B3GALT1: variants seen among roughly 807,000 people sequenced by gnomAD.
B3GALT1 encodes the protein UDP-Gal:betaGlcNAc beta 1,3-galactosyltransferase, polypeptide 1.
B3GALT1 carries 10 observed loss-of-function variants against 23.2 expected under a neutral mutation model. The ratio of observed to expected loss-of-function variants is 0.43; its 90% CI spans 0.27 to 0.73. The LOEUF is 0.73. Ranked by LOEUF, B3GALT1 falls within the 30% of genes least tolerant of loss-of-function variation. The pLI, the probability that B3GALT1 is intolerant of heterozygous loss-of-function variation, is 0.21. For synonymous variants in B3GALT1, 156 were observed against 141.5 expected (o/e 1.10, Z -0.73); for missense variants, 299 against 405.4 (o/e 0.74, Z 2.25).
At chr2:167,690,369 A>C (rs1369606773) in intron 3 of B3GALT1, among the ~76,000 whole-genome samples, 1 of 152,076 alleles carries the variant, frequency 6.6e-6, no homozygotes, top group Non-Finnish European at 1.5e-5. Context: ...TTCAAAAATA[A>C]ATTATTTATA....
intron 3 of B3GALT1, among the ~76,000 whole-genome samples, chr2:167,667,672 A>G (rs1686229301): frequency 6.6e-6 from 1 of 151,852 alleles, no homozygotes; most frequent in East Asian, 1.9e-4. Context: ...GTTTCTCTAA[A>G]CTTCCCTTCT....
intron 1 of B3GALT1, among the ~76,000 whole-genome samples, chr2:167,455,197 T>C (rs1699149867): frequency 6.6e-6 from 1 of 152,202 alleles, no homozygotes; most frequent in Non-Finnish European, 1.5e-5. Flanking sequence ...AAAAATATGC[T>C]CACACATTGG....
chr2:167,859,913 C>T lies in B3GALT1; in HGVS notation c.-229-8898C>T, dbSNP rs1690066436. On this transcript the variant is annotated intron_variant, in intron 4 of 4. Transcript: ENST00000392690. Reference sequence around the variant, plus strand: ...GAGGCTGACTTAAAGGCTAGGAGAGCCAGCCCTCTGTGATTTGGAGAGATA... The same window carrying T: ...GAGGCTGACTTAAAGGCTAGGAGAGTCAGCCCTCTGTGATTTGGAGAGATA... 2.0e-5 allele frequency among the ~76,000 whole-genome samples: 3 copies of T among 152,242 alleles called. No homozygotes were observed. The South Asian group carries it at 6.2e-4, about 32-fold the overall frequency.
intron 3 of B3GALT1, among the ~76,000 whole-genome samples, chr2:167,686,392 G>T (rs1686616406): frequency 2.0e-5 from 3 of 152,050 alleles, no homozygotes; most frequent in Admixed American, 6.6e-5. Flanking sequence ...AGAAAATTCG[G>T]CAATGCTTAT....
chr2:167,634,244 G>A lies in B3GALT1; in HGVS notation c.-409-12665G>A, dbSNP rs1477227045. ...TATCACTAAATGCCCACAGGAGAAA[G>A]CAGGAAGGATCTAAAATCAACACCC... is the stretch of plus-strand genomic sequence containing the variant. On this transcript the variant is annotated intron_variant, in intron 2 of 4. Transcript: ENST00000392690. Among the ~76,000 whole-genome samples the A allele has an allele frequency of 2.6e-5, 4 of 152,232 alleles. No homozygotes were observed. The East Asian group carries it at 7.7e-4, about 29-fold the overall frequency.
At chr2:167,715,872 G>A in intron 3 of B3GALT1, 4 of 1,613,660 alleles carry the variant, frequency 2.5e-6, no homozygotes, top group Non-Finnish European at 3.4e-6. Context: ...ACTCCTAACC[G>A]ATCTAAAACT....
At chr2:167,455,767 C>T (rs1456792357) in intron 1 of B3GALT1, among the ~76,000 whole-genome samples, 1 of 152,142 alleles carries the variant, frequency 6.6e-6, no homozygotes, top group South Asian at 2.1e-4. Flanking sequence ...CCTGCCTAAG[C>T]CTCCCATAGT....
chr2:167,654,443 A>G (rs895689207), intron 3 of B3GALT1, among the ~76,000 whole-genome samples: 2 of 152,118 alleles, frequency 1.3e-5, no homozygotes, highest in African/African-American at 4.8e-5. Context: ...TAACTCTGAA[A>G]GTCTGCGTCA....
intron 2 of B3GALT1, among the ~76,000 whole-genome samples, chr2:167,628,319 G>T (rs1213905681): frequency 6.6e-6 from 1 of 151,480 alleles, no homozygotes; most frequent in Non-Finnish European, 1.5e-5. Context: ...TTCCATTTAA[G>T]GTCTATGAGA....
At chr2:167,481,207 C>T (rs1344150861) in intron 1 of B3GALT1, among the ~76,000 whole-genome samples, 1 of 133,944 alleles carries the variant, frequency 7.5e-6, no homozygotes, top group African/African-American at 2.8e-5. Flanking sequence ...CTTTTTGCTG[C>T]TTATATATGG....
At chr2:167,415,277 C>T (rs1698451085) in intron 1 of B3GALT1, among the ~76,000 whole-genome samples, 1 of 152,142 alleles carries the variant, frequency 6.6e-6, no homozygotes, top group South Asian at 2.1e-4. Context: ...GAGACCTGAG[C>T]TAGCCTACCC....
At chr2:167,841,797 T>C (rs1253273178) in intron 4 of B3GALT1, among the ~76,000 whole-genome samples, 6 of 152,242 alleles carry the variant, frequency 3.9e-5, no homozygotes, top group Non-Finnish European at 7.3e-5. Flanking sequence ...TTTCAGATTC[T>C]ATATTTGCCA....
At chr2:167,320,998 A>T (rs1487110093) in intron 1 of B3GALT1, among the ~76,000 whole-genome samples, 2 of 152,100 alleles carry the variant, frequency 1.3e-5, no homozygotes, top group Non-Finnish European at 2.9e-5. Flanking sequence ...CAGAAAGGAA[A>T]TCATTCAGAA....
At chr2:167,714,472 C>T (rs1032466617) in intron 3 of B3GALT1, 14 of 1,599,400 alleles carry the variant, frequency 8.8e-6, no homozygotes, top group Middle Eastern at 1.7e-4. Flanking sequence ...GAAAAGCTCT[C>T]GTTTCAGATG....
At chr2:167,517,924 C>G (rs1310822245) in intron 2 of B3GALT1, among the ~76,000 whole-genome samples, 3 of 152,054 alleles carry the variant, frequency 2.0e-5, no homozygotes, top group African/African-American at 7.2e-5. Context: ...GTGTGCCACT[C>G]AAGTCTATAA....
At position 167,407,029 on chromosome 2, in the gene B3GALT1, A is replaced by G. The variant is rs1043949447; in HGVS notation, c.-510-83148A>G. ...TTATGGAACATTTCAACCCACTGCCACAGAATACATGTTATTTTCATTAGC... is the reference window on the plus strand; with the variant it reads ...TTATGGAACATTTCAACCCACTGCCGCAGAATACATGTTATTTTCATTAGC... On this transcript the variant is annotated intron_variant, in intron 1 of 4. Coordinates refer to ENST00000392690, the MANE Select transcript of B3GALT1 (RefSeq NM_020981.4). 4.8e-4 allele frequency among the ~76,000 whole-genome samples: 10 copies of G among 20,850 alleles called. No individual in the cohort carries two copies. The Non-Finnish European group carries it at 6.7e-3, about 14-fold the overall frequency. The allele number at this position is 20,850 out of a possible 152,430, so 13.7% of individuals were successfully genotyped here.
intron 1 of B3GALT1, among the ~76,000 whole-genome samples, chr2:167,345,341 A>AT (rs1697211371): frequency 6.6e-6 from 1 of 151,930 alleles, no homozygotes; most frequent in African/African-American, 2.4e-5. Context: ...CTATCACAGC[A>AT]TTTTTTTCTA....
intron 3 of B3GALT1, among the ~76,000 whole-genome samples, chr2:167,739,027 A>C (rs1437816599): frequency 6.6e-6 from 1 of 152,168 alleles, no homozygotes; most frequent in East Asian, 1.9e-4. Context: ...CCTACATTTC[A>C]GTTTTATGGT....
intron 4 of B3GALT1, among the ~76,000 whole-genome samples, chr2:167,845,265 A>G (rs1689732284): frequency 6.6e-6 from 1 of 152,062 alleles, no homozygotes. Context: ...GGAAAGCGCC[A>G]CCTCCTGGCA....
Sources: gnomAD v4.1 joint callset for allele counts (sites outside exome capture counted in the v4.1 genomes callset) on GRCh38, gnomAD v4.1.1 for gene constraint, MANE v1.5 for transcripts, NCBI Gene and HGNC (gene_info 2026-07-23, HGNC 2026-07-21) for gene names.